Variants in SGCZ observed in about 807,000 individuals in gnomAD.
SGCZ encodes sarcoglycan zeta.
Under a neutral mutation model 41.3 loss-of-function variants are expected in SGCZ, and 40 were observed. That is an observed-to-expected ratio of 0.97 (90% CI 0.75 to 1.26). The LOEUF (loss-of-function observed/expected upper bound fraction) is 1.26, where lower values mean the gene tolerates loss of function less well. Among genes scored for constraint, SGCZ ranks in the 50% most tolerant of loss-of-function variants. The pLI, the probability that SGCZ is intolerant of heterozygous loss-of-function variation, is 0.00. For missense variants in SGCZ, 552 were observed against 369.8 expected, an observed-to-expected ratio of 1.49 and a Z score of -4.04; for synonymous variants, 206 against 137.5, an observed-to-expected ratio of 1.50 and a Z score of -3.49.
At chr8:14,869,522 C>T (rs1409359038) in intron 1 of SGCZ, among the ~76,000 whole-genome samples, 1 of 152,162 alleles carries the variant, frequency 6.6e-6, no homozygotes, top group Non-Finnish European at 1.5e-5. Flanking sequence ...CCTTTGAAAA[C>T]TGACACAAGA....
chr8:14,641,197 C>G (rs1324770203), intron 1 of SGCZ, among the ~76,000 whole-genome samples: 1 of 151,628 alleles, frequency 6.6e-6, no homozygotes, highest in African/African-American at 2.4e-5. Flanking sequence ...ACTAGTCTGT[C>G]ACTACGTTTT....
intron 4 of SGCZ, among the ~76,000 whole-genome samples, chr8:14,198,991 G>T (rs991829351): frequency 6.6e-6 from 1 of 152,150 alleles, no homozygotes; most frequent in Non-Finnish European, 1.5e-5. Flanking sequence ...TGCACAAATT[G>T]TTTGTAGAGC....
At chr8:15,212,558 T>G (rs1801266559) in intron 1 of SGCZ, among the ~76,000 whole-genome samples, 1 of 152,152 alleles carries the variant, frequency 6.6e-6, no homozygotes, top group African/African-American at 2.4e-5. Context: ...CAGTATATAT[T>G]CTGTAGACTG....
chr8:15,167,642 T>G (rs1375518048), intron 1 of SGCZ, among the ~76,000 whole-genome samples: 1 of 150,834 alleles, frequency 6.6e-6, no homozygotes, highest in Non-Finnish European at 1.5e-5. Context: ...AAAGGCTATT[T>G]TGCAAACCAC....
chr8:14,543,719 G>C (rs1294233591), intron 2 of SGCZ, among the ~76,000 whole-genome samples: 1 of 152,074 alleles, frequency 6.6e-6, no homozygotes, highest in African/African-American at 2.4e-5. Context: ...GGCAAGGCAA[G>C]ATCTTTAAAA....
intron 6 of SGCZ, among the ~76,000 whole-genome samples, chr8:14,107,011 T>A (rs1190119746): frequency 2.0e-5 from 3 of 152,078 alleles, no homozygotes; most frequent in Non-Finnish European, 4.4e-5. Flanking sequence ...GGTCAGGAGA[T>A]AGAGACTATC....
At chr8:14,291,765 C>A (rs1414834565) in intron 3 of SGCZ, among the ~76,000 whole-genome samples, 1 of 152,008 alleles carries the variant, frequency 6.6e-6, no homozygotes, top group African/African-American at 2.4e-5. Context: ...TTTTCTATTC[C>A]TCTCTTTAGG....
At chr8:15,101,776 A>G (rs1380340305) in intron 1 of SGCZ, among the ~76,000 whole-genome samples, 1 of 152,174 alleles carries the variant, frequency 6.6e-6, no homozygotes, top group African/African-American at 2.4e-5. Context: ...CTAAAAATAT[A>G]AAAATTAGCT....
At chr8:14,781,907 A>C (rs1217132996) in intron 1 of SGCZ, among the ~76,000 whole-genome samples, 1 of 152,206 alleles carries the variant, frequency 6.6e-6, no homozygotes, top group Non-Finnish European at 1.5e-5. Flanking sequence ...AGTGAAAAAC[A>C]GAATAGTTGT....
chr8:14,800,261 A>G (rs958489063), intron 1 of SGCZ, among the ~76,000 whole-genome samples: 1 of 152,202 alleles, frequency 6.6e-6, no homozygotes, highest in African/African-American at 2.4e-5. Context: ...TAAATACCAA[A>G]AAGACATAAA....
intron 2 of SGCZ, among the ~76,000 whole-genome samples, chr8:14,488,813 T>C (rs547514130): frequency 6.6e-6 from 1 of 152,078 alleles, no homozygotes; most frequent in Non-Finnish European, 1.5e-5. Context: ...TGACCTCTTT[T>C]GCAATAGTCT....
chr8:14,367,066 T>G (rs1803734810), intron 2 of SGCZ, among the ~76,000 whole-genome samples: 1 of 152,120 alleles, frequency 6.6e-6, no homozygotes, highest in Admixed American at 6.6e-5. Context: ...ATGCTCTGCT[T>G]TCTCCTGAAC....
At chr8:14,523,460 T>G (rs1262031877) in intron 2 of SGCZ, among the ~76,000 whole-genome samples, 1 of 152,076 alleles carries the variant, frequency 6.6e-6, no homozygotes, top group Non-Finnish European at 1.5e-5. Context: ...TTTTTCTTCT[T>G]TATTCCTCAG....
intron 5 of SGCZ, among the ~76,000 whole-genome samples, chr8:14,135,659 C>A (rs1228107668): frequency 6.6e-6 from 1 of 151,862 alleles, no homozygotes; most frequent in African/African-American, 2.4e-5. Context: ...GAATTTGTAA[C>A]TGAATTGCTT....
chr8:14,665,156 T>A (rs1207683605), intron 1 of SGCZ, among the ~76,000 whole-genome samples: 1 of 151,886 alleles, frequency 6.6e-6, no homozygotes, highest in Non-Finnish European at 1.5e-5. Context: ...ATGCTATCCC[T>A]CCCCCCTCTC....
intron 1 of SGCZ, among the ~76,000 whole-genome samples, chr8:14,605,997 C>A (rs1805736086): frequency 6.6e-6 from 1 of 152,012 alleles, no homozygotes; most frequent in Non-Finnish European, 1.5e-5. Flanking sequence ...AACTGATAAT[C>A]ATTCTGTATA....
intron 1 of SGCZ, among the ~76,000 whole-genome samples, chr8:15,172,311 G>A (rs1404187668): frequency 6.7e-6 from 1 of 150,314 alleles, no homozygotes; most frequent in African/African-American, 2.4e-5. Context: ...ACAGGCGCGC[G>A]CCACCATGCC....
chr8:15,231,227 T>C (rs1158187609), intron 1 of SGCZ, among the ~76,000 whole-genome samples: 1 of 152,194 alleles, frequency 6.6e-6, no homozygotes, highest in Non-Finnish European at 1.5e-5. Context: ...TCTGGCTGGA[T>C]GCTAAAATCC....
chr8:14,324,108 G>T lies in SGCZ; in HGVS notation c.331C>A (p.Arg111=). ...CCAAAGCCAGTATCACATACCTTTC[G>T]AGAATGAATTTCTTTCACATACAAT... ...LPLYVKEIHS[R]KDSPLVLQSD... The change falls in exon 3 of 8, where the codon CGA becomes AGA. Residue 111 remains arginine, a synonymous_variant. Transcript: ENST00000382080. The T allele has an allele frequency of 6.2e-7, 1 of 1,608,534 alleles. No homozygotes were observed. The highest frequency in any genetic ancestry group is 8.5e-7 in the Non-Finnish European group (1 of 1,176,126).
Sources: gnomAD v4.1 joint callset for allele counts (sites outside exome capture counted in the v4.1 genomes callset) on GRCh38, gnomAD v4.1.1 for gene constraint, MANE v1.5 for transcripts, NCBI Gene and HGNC (gene_info 2026-07-23, HGNC 2026-07-21) for gene names.